Variants in CEP126 observed in about 807,000 individuals in gnomAD.
CEP126 encodes centrosomal protein 126.
CEP126 carries 74 observed loss-of-function variants against 107.8 expected under a neutral mutation model. That is an observed-to-expected ratio of 0.69 (90% confidence interval 0.57 to 0.83). The LOEUF (loss-of-function observed/expected upper bound fraction) is 0.83, where lower values mean the gene tolerates loss of function less well. Among genes scored for constraint, CEP126 ranks in the 40% least tolerant of loss-of-function variants. CEP126 has a pLI of 0.00. For synonymous variants in CEP126, 449 were observed against 446.0 expected (o/e 1.01, Z -0.08); for missense variants, 1,237 against 1,281.9 (o/e 0.96, Z 0.53).
At chr11:101,992,458 G>A (rs868549893) in intron 9 of CEP126, among the ~76,000 whole-genome samples, 4 of 151,436 alleles carry the variant, frequency 2.6e-5, no homozygotes, top group African/African-American at 9.7e-5. Context: ...AGGCTCCAAG[G>A]ATGAAATTAA....
rs368939235 is a variant in CEP126 at position 101,915,265 on chromosome 11, A to G, written c.-20A>G. On this transcript the variant is annotated 5_prime_UTR_variant, in exon 1 of 11. Coordinates refer to ENST00000263468, the MANE Select transcript of CEP126 (RefSeq NM_020802.4). ...AGGGAGGTTCTGGGGGCGAGCAGAC[A>G]GGCGGCGCTGAAGTGAAGGATGCTG... 705 of 1,612,806 alleles carry G rather than the reference A, an allele frequency of 4.4e-4. 10 individuals carry two copies. The Middle Eastern group carries it at 4.9e-3, about 11-fold the overall frequency.
chr11:101,992,079 C>T (rs1478801357), intron 9 of CEP126, among the ~76,000 whole-genome samples: 2 of 151,774 alleles, frequency 1.3e-5, no homozygotes, highest in African/African-American at 4.8e-5. Flanking sequence ...GTTCCACAGA[C>T]ATTAGCTTTA....
intron 4 of CEP126, chr11:101,955,741 A>G (rs1225419821): frequency 2.7e-6 from 1 of 376,684 alleles, no homozygotes; most frequent in Non-Finnish European, 5.2e-6. Flanking sequence ...AAATAATCTT[A>G]ATAAGGCTGT....
chr11:101,963,074 C>T lies in CEP126; in HGVS notation c.2039C>T (p.Ala680Val), dbSNP rs1181949214. Residue 680 changes from alanine (A) to valine (V), a missense_variant, in exon 6 of 11, where the codon GCT (alanine) becomes GTT (valine). By Grantham distance (64) the Ala-to-Val change is moderately conservative (BLOSUM62 0). This residue lies in a region of CEP126 where 1,134 missense variants were observed against 1,150.5 expected (regional missense o/e 0.99). Coordinates refer to ENST00000263468, the MANE Select transcript of CEP126 (RefSeq NM_020802.4). Reference protein sequence around the residue: ...GSNIISVSTCAVNSADTKKSR... With the variant: ...GSNIISVSTCVVNSADTKKSR... ...AACATAATTAGTGTTTCTACTTGTG[C>T]TGTAAATTCTGCTGATACAAAGAAG... The T allele has an allele frequency of 1.2e-6, 2 of 1,614,094 alleles. No homozygotes were observed. Among genetic ancestry groups the T allele is most frequent in the East Asian group, 2.2e-5 (1 of 44,868 alleles).
intron 2 of CEP126, among the ~76,000 whole-genome samples, chr11:101,931,897 G>A (rs1029894201): frequency 3.9e-5 from 6 of 152,188 alleles, no homozygotes; most frequent in African/African-American, 1.4e-4. Flanking sequence ...CAGGAAACAA[G>A]AACAAATAGT....
At chr11:101,917,482 T>C (rs1409183220) in intron 1 of CEP126, among the ~76,000 whole-genome samples, 1 of 152,140 alleles carries the variant, frequency 6.6e-6, no homozygotes, top group Admixed American at 6.5e-5. Flanking sequence ...GAGTCAGAAT[T>C]TTCTGACTCT....
At chr11:101,994,993 T>G (rs1326606852) in intron 10 of CEP126, among the ~76,000 whole-genome samples, 2 of 151,998 alleles carry the variant, frequency 1.3e-5, no homozygotes, top group Non-Finnish European at 2.9e-5. Flanking sequence ...TCATCTACAT[T>G]AGGTATTTCC....
chr11:101,919,885 A>G (rs1940296788), intron 1 of CEP126, among the ~76,000 whole-genome samples: 2 of 152,188 alleles, frequency 1.3e-5, no homozygotes, highest in African/African-American at 4.8e-5. Context: ...GCACCCTGAA[A>G]GGAAGTTGCA....
At chr11:101,919,790 G>C (rs1046465277) in intron 1 of CEP126, among the ~76,000 whole-genome samples, 1 of 152,152 alleles carries the variant, frequency 6.6e-6, no homozygotes, top group African/African-American at 2.4e-5. Context: ...CTTCAAACAT[G>C]TCAAACAGAG....
intron 6 of CEP126, among the ~76,000 whole-genome samples, chr11:101,964,601 T>C (rs957087666): frequency 6.6e-6 from 1 of 151,116 alleles, no homozygotes; most frequent in Non-Finnish European, 1.5e-5. Context: ...GGTGCACCAC[T>C]GCACTCCAGC....
intron 4 of CEP126, among the ~76,000 whole-genome samples, chr11:101,949,989 T>G (rs554382560): frequency 2.0e-5 from 3 of 152,270 alleles, no homozygotes; most frequent in Non-Finnish European, 4.4e-5. Context: ...CACCCTCCTT[T>G]CTCCTTCTGG....
chr11:101,917,110 G>C (rs891890059), intron 1 of CEP126, among the ~76,000 whole-genome samples: 3 of 151,568 alleles, frequency 2.0e-5, no homozygotes, highest in Admixed American at 6.6e-5. Flanking sequence ...GTTTGCATAT[G>C]TGTGTATATA....
At chr11:101,936,891 A>G (rs1940588915) in intron 2 of CEP126, among the ~76,000 whole-genome samples, 1 of 152,172 alleles carries the variant, frequency 6.6e-6, no homozygotes, top group African/African-American at 2.4e-5. Context: ...TCATTTGGTA[A>G]TGATATGTTA....
In CEP126 at chr11:101,978,343, T is replaced by C. The variant is rs1035070268; in HGVS notation, c.2846-4T>C. On this transcript the variant is annotated splice_polypyrimidine_tract_variant and splice_region_variant and intron_variant, in intron 6 of 10. Coordinates refer to ENST00000263468, the MANE Select transcript of CEP126 (RefSeq NM_020802.4). Reference sequence around the variant, plus strand: ...TTTTAACATTGTGCTGGCATTTGTTTAAGGGTCTACTGTTATGAGAAGAAA... The same window carrying C: ...TTTTAACATTGTGCTGGCATTTGTTCAAGGGTCTACTGTTATGAGAAGAAA... 1 of 1,597,772 alleles carries C rather than the reference T, an allele frequency of 6.3e-7. No homozygotes were observed. Among genetic ancestry groups the C allele is most frequent in the Non-Finnish European group, 8.6e-7 (1 of 1,166,896 alleles).
At chr11:101,996,234 T>A (rs1450729150) in intron 10 of CEP126, among the ~76,000 whole-genome samples, 1 of 152,158 alleles carries the variant, frequency 6.6e-6, no homozygotes, top group Non-Finnish European at 1.5e-5. Flanking sequence ...TTCCATAGAT[T>A]TCCCCAGCAA....
At chr11:101,982,322 G>A (rs1941265563) in intron 8 of CEP126, among the ~76,000 whole-genome samples, 1 of 152,106 alleles carries the variant, frequency 6.6e-6, no homozygotes, top group African/African-American at 2.4e-5. Context: ...TGATATGGCT[G>A]TTCATATATA....
At chr11:101,987,568 C>A (rs11225097) in intron 9 of CEP126, among the ~76,000 whole-genome samples, 8,120 of 151,564 alleles carry the variant, frequency 0.054, 442 homozygotes, top group East Asian at 0.26. Flanking sequence ...AGTAGTCTCA[C>A]AGAAGATCTT....
At chr11:101,945,142 A>G (rs1447066158) in intron 3 of CEP126, among the ~76,000 whole-genome samples, 1 of 152,212 alleles carries the variant, frequency 6.6e-6, no homozygotes, top group Non-Finnish European at 1.5e-5. Context: ...CTATGGTAGC[A>G]GAGTGTGTAA....
At chr11:101,940,864 A>G (rs1448601329) in intron 2 of CEP126, among the ~76,000 whole-genome samples, 1 of 152,210 alleles carries the variant, frequency 6.6e-6, no homozygotes, top group Non-Finnish European at 1.5e-5. Context: ...TAGCATGGGA[A>G]GTCACACAGT....
Sources: gnomAD v4.1 joint callset for allele counts (sites outside exome capture counted in the v4.1 genomes callset) on GRCh38, gnomAD v4.1.1 for gene constraint, gnomAD v4.1.1 regional missense constraint, MANE v1.5 for transcripts, NCBI Gene and HGNC (gene_info 2026-07-23, HGNC 2026-07-21) for gene names.